PTPRK: variants seen among roughly 807,000 people sequenced by gnomAD.
PTPRK encodes the protein receptor-type tyrosine-protein phosphatase kappa.
Under a neutral mutation model 178.0 loss-of-function variants are expected in PTPRK, and 75 were observed. The observed-to-expected ratio is 0.42, with a 90% CI of 0.35 to 0.51. PTPRK has a LOEUF of 0.51. Among genes scored for constraint, PTPRK ranks in the 20% least tolerant of loss-of-function variants. PTPRK has a pLI of 0.02. For missense variants in PTPRK, 1,441 were observed against 1,797.8 expected, an observed-to-expected ratio of 0.80 and a Z score of 3.59; for synonymous variants, 637 against 620.6, an observed-to-expected ratio of 1.03 and a Z score of -0.39.
At chr6:128,464,620 C>T (rs141452277) in intron 1 of PTPRK, among the ~76,000 whole-genome samples, 4,162 of 88,494 alleles carry the variant, frequency 0.047, 122 homozygotes, top group Non-Finnish European at 0.073. Context: ...TATACATATA[C>T]ATATATATAT....
rs1773725687 is a variant in PTPRK at position 127,969,909 on chromosome 6, T to A, written c.*318A>T. Reference sequence around the variant, plus strand: ...ATGAACTCATGCAACATGTGGTAGCTGCTCTACTGAAACCATGAGAAAAAA... The same window carrying A: ...ATGAACTCATGCAACATGTGGTAGCAGCTCTACTGAAACCATGAGAAAAAA... On this transcript the variant is annotated 3_prime_UTR_variant, in exon 30 of 30. Coordinates refer to ENST00000368226, the MANE Select transcript of PTPRK (RefSeq NM_002844.4). The A allele has an allele frequency of 4.9e-6, 1 of 206,102 alleles. No homozygotes were observed. The highest frequency in any genetic ancestry group is 5.9e-5 in the Admixed American group (1 of 16,960). The allele number at this position is 206,102 out of a possible 1,614,324, so 12.8% of individuals were successfully genotyped here.
At chr6:128,161,806 G>T (rs148772269) in intron 7 of PTPRK, among the ~76,000 whole-genome samples, 217 of 151,422 alleles carry the variant, frequency 1.4e-3, no homozygotes, top group Non-Finnish European at 2.5e-3. Flanking sequence ...TGGGTGTAAT[G>T]AATGGACAAA....
intron 3 of PTPRK, among the ~76,000 whole-genome samples, chr6:128,289,240 G>C (rs1215655420): frequency 6.6e-6 from 1 of 152,110 alleles, no homozygotes; most frequent in East Asian, 1.9e-4. Flanking sequence ...GAATGGACTT[G>C]AAATTCTTGT....
At chr6:128,225,554 T>C (rs1296693029) in intron 5 of PTPRK, among the ~76,000 whole-genome samples, 1 of 152,152 alleles carries the variant, frequency 6.6e-6, no homozygotes. Flanking sequence ...ACTATCATCA[T>C]CACAATCACC....
At chr6:128,083,196 T>G (rs778822620) in intron 9 of PTPRK, among the ~76,000 whole-genome samples, 3 of 152,114 alleles carry the variant, frequency 2.0e-5, no homozygotes, top group Non-Finnish European at 2.9e-5. Context: ...ACTTAAATGA[T>G]TCTTTCATTT....
chr6:128,487,727 C>T (rs117324814), intron 1 of PTPRK, among the ~76,000 whole-genome samples: 4,564 of 152,210 alleles, frequency 0.03, 96 homozygotes, highest in Non-Finnish European at 0.041. Flanking sequence ...GTTTTCCCTG[C>T]GTCTTTGGGC....
chr6:128,362,719 G>T (rs1834945239), intron 2 of PTPRK, among the ~76,000 whole-genome samples: 1 of 152,072 alleles, frequency 6.6e-6, no homozygotes, highest in Non-Finnish European at 1.5e-5. Context: ...TTAATTGTTA[G>T]ATTAAAATTT....
intron 25 of PTPRK, among the ~76,000 whole-genome samples, chr6:127,977,675 G>T (rs1774763152): frequency 6.6e-6 from 1 of 152,046 alleles, no homozygotes; most frequent in African/African-American, 2.4e-5. Context: ...TATATCAAAG[G>T]TCATAATGAC....
chr6:128,493,225 T>A (rs1424175258), intron 1 of PTPRK, among the ~76,000 whole-genome samples: 2 of 152,250 alleles, frequency 1.3e-5, no homozygotes, highest in South Asian at 2.1e-4. Flanking sequence ...CTGCAATTTT[T>A]AAAAATTTAT....
chr6:128,230,578 C>T (rs184030189), intron 5 of PTPRK, among the ~76,000 whole-genome samples: 13 of 152,128 alleles, frequency 8.5e-5, no homozygotes, highest in South Asian at 2.1e-4. Flanking sequence ...TCTATACCTA[C>T]GTTTTATTTT....
chr6:128,451,472 C>A (rs1847786255), intron 1 of PTPRK, among the ~76,000 whole-genome samples: 1 of 151,838 alleles, frequency 6.6e-6, no homozygotes, highest in Admixed American at 6.6e-5. Flanking sequence ...CTCCTTTTTC[C>A]AACCACATAT....
intron 7 of PTPRK, among the ~76,000 whole-genome samples, chr6:128,111,483 A>G (rs994607866): frequency 1.3e-5 from 2 of 152,222 alleles, no homozygotes; most frequent in Non-Finnish European, 2.9e-5. Flanking sequence ...ATCTCAGAAT[A>G]TTCCTCTTAA....
intron 6 of PTPRK, among the ~76,000 whole-genome samples, chr6:128,194,892 C>T (rs1378694663): frequency 6.6e-6 from 1 of 151,848 alleles, no homozygotes; most frequent in Non-Finnish European, 1.5e-5. Flanking sequence ...TAACACTATC[C>T]ACATTCATTT....
intron 11 of PTPRK, among the ~76,000 whole-genome samples, chr6:128,077,192 A>T (rs1170107275): frequency 6.6e-6 from 1 of 152,056 alleles, no homozygotes; most frequent in Non-Finnish European, 1.5e-5. Flanking sequence ...AGGTAGGAAC[A>T]TGTGAATGAC....
At chr6:128,345,358 T>C (rs972565477) in intron 2 of PTPRK, among the ~76,000 whole-genome samples, 36 of 152,100 alleles carry the variant, frequency 2.4e-4, no homozygotes, top group African/African-American at 8.4e-4. Flanking sequence ...TCTCTGAGAG[T>C]GGCATAATGT....
At chr6:128,340,167 T>C (rs1167181513) in intron 2 of PTPRK, among the ~76,000 whole-genome samples, 1 of 152,196 alleles carries the variant, frequency 6.6e-6, no homozygotes. Flanking sequence ...CTCCAGTGGC[T>C]AAAACAGCCT....
intron 6 of PTPRK, among the ~76,000 whole-genome samples, chr6:128,217,143 G>A (rs1234659856): frequency 2.0e-5 from 3 of 152,144 alleles, no homozygotes. Flanking sequence ...ATTAGGCTCA[G>A]GTGAGAGAGA....
At chr6:128,329,780 T>A (rs1251406741) in intron 2 of PTPRK, among the ~76,000 whole-genome samples, 1 of 144,468 alleles carries the variant, frequency 6.9e-6, no homozygotes, top group Non-Finnish European at 1.5e-5. Context: ...TCCAGAAACA[T>A]ACACACACAC....
At chr6:128,166,662 C>A (rs535894322) in intron 7 of PTPRK, among the ~76,000 whole-genome samples, 39 of 151,670 alleles carry the variant, frequency 2.6e-4, no homozygotes, top group Non-Finnish European at 4.3e-4. Flanking sequence ...ATAAGACTCT[C>A]CTCTAGTAAC....
Sources: gnomAD v4.1 joint callset for allele counts (sites outside exome capture counted in the v4.1 genomes callset) on GRCh38, gnomAD v4.1.1 for gene constraint, MANE v1.5 for transcripts, NCBI Gene and HGNC (gene_info 2026-07-23, HGNC 2026-07-21) for gene names.